Variants in SYT14 observed in about 807,000 individuals in gnomAD.
SYT14 encodes synaptotagmin 14, also known as synaptotagmin-14.
In SYT14, 32 loss-of-function variants were observed where a neutral mutation model predicts 74.2. The ratio of observed to expected loss-of-function variants is 0.43; its 90% CI spans 0.33 to 0.58. The LOEUF is 0.58. Among genes scored for constraint, SYT14 ranks in the 20% least tolerant of loss-of-function variants. SYT14 has a pLI of 0.05. For missense variants in SYT14, 791 were observed against 981.8 expected (o/e 0.81, Z 2.60); for synonymous variants, 298 against 337.7 (o/e 0.88, Z 1.29).
At chr1:210,014,885 T>C (rs1239068820) in intron 3 of SYT14, among the ~76,000 whole-genome samples, 1 of 152,120 alleles carries the variant, frequency 6.6e-6, no homozygotes, top group Non-Finnish European at 1.5e-5. Flanking sequence ...TTTGTACTTT[T>C]AAATTTTATT....
chr1:210,052,973 A>G (rs2081030259), intron 5 of SYT14, among the ~76,000 whole-genome samples: 1 of 152,130 alleles, frequency 6.6e-6, no homozygotes, highest in African/African-American at 2.4e-5. Context: ...TATGACTACT[A>G]CTAGTATTAC....
At chr1:210,074,980 T>C (rs538473607) in intron 5 of SYT14, among the ~76,000 whole-genome samples, 1 of 152,354 alleles carries the variant, frequency 6.6e-6, no homozygotes, top group East Asian at 1.9e-4. Context: ...CTTAGTGTAC[T>C]GGAAGAATCA....
At chr1:210,106,089 T>G (rs2082153163) in intron 7 of SYT14, among the ~76,000 whole-genome samples, 2 of 152,244 alleles carry the variant, frequency 1.3e-5, no homozygotes, top group Admixed American at 1.3e-4. Context: ...CACAGTTGCC[T>G]TCTTCTGAAA....
intron 2 of SYT14, among the ~76,000 whole-genome samples, chr1:209,986,455 TA>T (rs1274679468): frequency 6.6e-6 from 1 of 151,558 alleles, no homozygotes; most frequent in Non-Finnish European, 1.5e-5. Flanking sequence ...AATAATAATT[TA>T]AAAAAAATTA....
intron 2 of SYT14, among the ~76,000 whole-genome samples, chr1:209,994,490 A>G (rs1359305847): frequency 1.3e-5 from 2 of 152,226 alleles, no homozygotes; most frequent in Non-Finnish European, 2.9e-5. Context: ...ATATGGGATT[A>G]TGTAAAGTGA....
At chr1:209,945,784 A>G (rs1178156640) in intron 1 of SYT14, among the ~76,000 whole-genome samples, 6 of 152,182 alleles carry the variant, frequency 3.9e-5, no homozygotes, top group African/African-American at 1.4e-4. Context: ...AAGGAACTAA[A>G]TTTTGAGGTT....
At chr1:210,146,417 T>C (rs1370791311) in intron 7 of SYT14, among the ~76,000 whole-genome samples, 1 of 151,644 alleles carries the variant, frequency 6.6e-6, no homozygotes, top group Admixed American at 6.6e-5. Context: ...TGAATTAGGA[T>C]TATAAAATGA....
intron 2 of SYT14, among the ~76,000 whole-genome samples, chr1:209,992,231 A>T (rs1223999042): frequency 6.6e-6 from 1 of 152,002 alleles, no homozygotes; most frequent in Non-Finnish European, 1.5e-5. Context: ...CTCATCCTTG[A>T]ACTCCTGGGT....
chr1:210,025,116 G>A (rs2080382805), intron 5 of SYT14, among the ~76,000 whole-genome samples: 1 of 152,156 alleles, frequency 6.6e-6, no homozygotes, highest in African/African-American at 2.4e-5. Flanking sequence ...TAACCCAACT[G>A]TTCACCTTCT....
chr1:210,068,534 G>GT (rs1350146400), intron 5 of SYT14, among the ~76,000 whole-genome samples: 1 of 151,468 alleles, frequency 6.6e-6, no homozygotes, highest in Non-Finnish European at 1.5e-5. Flanking sequence ...TATCTTACGA[G>GT]TTTTTTTATA....
chr1:210,101,443 T>C (rs1456473755), intron 7 of SYT14, among the ~76,000 whole-genome samples: 1 of 152,158 alleles, frequency 6.6e-6, no homozygotes. Flanking sequence ...CAACATTTTA[T>C]GTTGTAAGAC....
intron 2 of SYT14, among the ~76,000 whole-genome samples, chr1:209,990,679 G>GATT (rs926284042): frequency 6.9e-6 from 1 of 145,260 alleles, no homozygotes; most frequent in Non-Finnish European, 1.5e-5. Context: ...ACCCTGATGT[G>GATT]ATTATTACAC....
intron 7 of SYT14, among the ~76,000 whole-genome samples, chr1:210,106,659 G>A (rs954483122): frequency 3.3e-5 from 5 of 152,128 alleles, no homozygotes; most frequent in African/African-American, 1.2e-4. Flanking sequence ...CAGCATAAGG[G>A]TAACTGCCCC....
At chr1:210,098,488 G>C (rs1474098773) in intron 6 of SYT14, among the ~76,000 whole-genome samples, 3 of 152,108 alleles carry the variant, frequency 2.0e-5, no homozygotes, top group Admixed American at 2.0e-4. Flanking sequence ...CACATGGTCT[G>C]AGCTGACCCA....
At chr1:210,002,956 C>T (rs147353294) in intron 2 of SYT14, among the ~76,000 whole-genome samples, 52 of 152,154 alleles carry the variant, frequency 3.4e-4, no homozygotes, top group Middle Eastern at 6.8e-3. Flanking sequence ...TAAAATTTAT[C>T]AGTATTCTCT....
intron 2 of SYT14, among the ~76,000 whole-genome samples, chr1:210,000,807 GT>G (rs2079886298): frequency 6.6e-6 from 1 of 151,752 alleles, no homozygotes; most frequent in Non-Finnish European, 1.5e-5. Context: ...TAGAGACGGG[GT>G]TTCACCATCT....
intron 2 of SYT14, among the ~76,000 whole-genome samples, chr1:209,972,973 G>A (rs1385950704): frequency 6.6e-6 from 1 of 152,136 alleles, no homozygotes. Context: ...ATTATTGTGT[G>A]TCTAAGTCTT....
chr1:210,037,782 C>T (rs1033027951), intron 5 of SYT14, among the ~76,000 whole-genome samples: 1 of 151,892 alleles, frequency 6.6e-6, no homozygotes, highest in African/African-American at 2.4e-5. Context: ...AATTTTATTC[C>T]ACTCTGGTCG....
rs377050610 is a variant in SYT14, at chr1:210,059,451, T to TATATAGAGAGAGAG, written c.1313-34870_1313-34869insTATAGAGAGAGAGA. Among the ~76,000 whole-genome samples, 110 of 69,884 alleles carry TATATAGAGAGAGAG rather than the reference T, an allele frequency of 1.6e-3. 1 individual carries two copies. Among genetic ancestry groups the TATATAGAGAGAGAG allele is most frequent in the African/African-American group, 3.8e-3 (48 of 12,732 alleles). The allele number at this position is 69,884 out of a possible 152,430, so 45.8% of individuals were successfully genotyped here. A position where few individuals can be genotyped will look rare whatever the true frequency, so the allele number is the denominator to read the frequency against. On this transcript the variant is annotated intron_variant, in intron 5 of 9. Coordinates refer to ENST00000637265, the Ensembl canonical transcript of SYT14. ...GAATATATATATATATATATATATA[T>TATATAGAGAGAGAG]AGAGAGAGAGAGAGAGAGAGAGAGA...
Sources: allele counts gnomAD v4.1 joint callset (sites outside exome capture counted in the v4.1 genomes callset), GRCh38; gene constraint gnomAD v4.1.1; transcripts MANE v1.5; gene names NCBI Gene and HGNC (gene_info 2026-07-23, HGNC 2026-07-21).